MDN1: variants seen among roughly 807,000 people sequenced by gnomAD.
The protein encoded by MDN1 is midasin AAA ATPase 1, also known as midasin.
Under a neutral mutation model 669.2 loss-of-function variants are expected in MDN1, and 266 were observed. The observed-to-expected ratio is 0.40, with a 90% CI of 0.36 to 0.44. The LOEUF is 0.44. Among genes scored for constraint, MDN1 ranks in the 20% least tolerant of loss-of-function variants. MDN1 has a pLI of 1.00. For missense variants in MDN1, 5,940 were observed against 6,754.0 expected, an observed-to-expected ratio of 0.88 and a Z score of 4.22; for synonymous variants, 2,385 against 2,457.1, an observed-to-expected ratio of 0.97 and a Z score of 0.87.
chr6:89,715,944 G>A (rs1403012256), intron 44 of MDN1, among the ~76,000 whole-genome samples, 175 bp from the exon 45 acceptor site: 2 of 151,950 alleles, frequency 1.3e-5, no homozygotes, highest in Non-Finnish European at 2.9e-5. Context: ...TTTCCTTCTC[G>A]CTTCCCTAGG....
At position 89,772,762 on chromosome 6, in the gene MDN1, G is replaced by A. The variant is rs114999197; in HGVS notation, c.1935-41C>T. ...AAAGAGTTTAAAAACCACGCTGCAA[G>A]CTTCTCCTAGTTTTGCTCTGGGAAA... On this transcript the variant is annotated intron_variant, in intron 13 of 101. Coordinates refer to ENST00000369393, the MANE Select transcript of MDN1 (RefSeq NM_014611.3). 2.1e-4 allele frequency: 341 copies of A among 1,600,110 alleles called. 1 individual carries two copies. In the African/African-American group the frequency reaches 4.2e-3, roughly 20 times the overall value.
rs140382280 is a variant in MDN1 at position 89,684,311 on chromosome 6, C to T, written c.11830-407G>A. On this transcript the variant is annotated intron_variant, in intron 71 of 101. Transcript: ENST00000369393. ...TGAGCTGAGATCGTGCCACTGCACT[C>T]CAGCCTAGGCAACAGAGTTGAGACT... is the stretch of plus-strand genomic sequence containing the variant. 5.4e-3 allele frequency among the ~76,000 whole-genome samples: 826 copies of T among 151,600 alleles called. 10 individuals carry two copies. Among genetic ancestry groups the T allele is most frequent in the African/African-American group, 0.019 (785 of 41,276 alleles).
intron 72 of MDN1, among the ~76,000 whole-genome samples, chr6:89,683,606 T>C (rs915756261): frequency 1.5e-4 from 23 of 152,132 alleles, no homozygotes; most frequent in Admixed American, 3.9e-4. Flanking sequence ...ACTTGAGACA[T>C]AGCCTGCTTT....
In MDN1 at chr6:89,692,573, C is replaced by T. The variant is rs1456363704; in HGVS notation, c.10457G>A (p.Gly3486Asp). The change falls in exon 63 of 102, where the codon GGC becomes GAC. Residue 3486 changes from glycine to aspartate, a missense_variant. Coordinates refer to ENST00000369393, the MANE Select transcript of MDN1 (RefSeq NM_014611.3). Reference protein sequence around the residue: ...LKRSGGKELEGKGQKACPTRE... With the variant: ...LKRSGGKELEDKGQKACPTRE... ...AGTGGGACAGGCTTTCTGGCCCTTG[C>T]CTTCCAGCTCCTTTCCTCCTGAGCG... The T allele has an allele frequency of 1.2e-6, 2 of 1,614,118 alleles. No homozygotes were observed. Among genetic ancestry groups the T allele is most frequent in the African/African-American group, 1.3e-5 (1 of 74,940 alleles).
Position 89,664,608 on chromosome 6 carries a change from C to T in MDN1, c.14115G>A (p.Lys4705=). 2 of 1,611,172 alleles carry T rather than the reference C, an allele frequency of 1.2e-6. No homozygotes were observed. Among genetic ancestry groups the T allele is most frequent in the Non-Finnish European group, 1.7e-6 (2 of 1,177,800 alleles). Residue 4705 remains lysine, a synonymous_variant, in exon 85 of 102, where the codon AAG becomes AAA. Transcript: ENST00000369393. The part of the protein sequence containing the change: ...NEEQVEDTFQ[K]GQEKDKEDPD... ...GATCCTCTTTGTCTTTTTCTTGACC[C>T]TTCTGAAATGTATCTTCCACCTACA...
chr6:89,704,240 G>T (rs572449735), intron 53 of MDN1, among the ~76,000 whole-genome samples: 4 of 152,070 alleles, frequency 2.6e-5, no homozygotes, highest in Non-Finnish European at 5.9e-5. Flanking sequence ...AATTACCTGG[G>T]TGTGGTGGCA....
At chr6:89,685,111 G>C (rs982236883) in intron 70 of MDN1, 126 bp from the exon 71 acceptor site, 1 of 586,796 alleles carries the variant, frequency 1.7e-6, no homozygotes, top group Non-Finnish European at 3.0e-6. Flanking sequence ...ATTACAGTGA[G>C]TTTCACAGGT....
At chr6:89,795,904 G>A (rs1285593952) in intron 2 of MDN1, among the ~76,000 whole-genome samples, 5 of 151,942 alleles carry the variant, frequency 3.3e-5, no homozygotes, top group Non-Finnish European at 5.9e-5. Flanking sequence ...GCAGTGAGCC[G>A]AGATCGCACC....
chr6:89,663,346 AT>A (rs562316189), intron 85 of MDN1, among the ~76,000 whole-genome samples: 1 of 151,902 alleles, frequency 6.6e-6, no homozygotes, highest in Non-Finnish European at 1.5e-5. Context: ...TACTGCTATG[AT>A]TTTTTCCAAC....
rs754640277 is a variant in MDN1, at chr6:89,725,258, A to T, written c.5611T>A (p.Phe1871Ile). The change falls in exon 38 of 102, where the codon TTT becomes ATT. Residue 1871 changes from phenylalanine to isoleucine, a missense_variant. Around this residue, in one of 5 missense-constraint regions of MDN1, gnomAD observed 2,292 missense variants for 2,638.3 expected, o/e 0.87. Transcript: ENST00000369393. The part of the protein sequence containing the change: ...KTKIFGCQNP[F>I]RQGGGRKGLP... ...CCTTTCCTCCCACCTCCTTGTCTAAAGGGATTCTGACACCCAAAAATCTTC... is the reference window on the plus strand; with the variant it reads ...CCTTTCCTCCCACCTCCTTGTCTAATGGGATTCTGACACCCAAAAATCTTC... 1.9e-6 allele frequency: 3 copies of T among 1,613,950 alleles called. No individual in the cohort carries two copies. In the African/African-American group the frequency reaches 4.0e-5, roughly 22 times the overall value.
chr6:89,680,456 C>T, intron 74 of MDN1, 133 bp downstream of exon 74: 1 of 1,071,664 alleles, frequency 9.3e-7, no homozygotes, highest in Non-Finnish European at 1.3e-6. Context: ...TTTTTAAGCC[C>T]ACTTGCTTAT....
intron 85 of MDN1, 152 bp from the exon 86 acceptor site, chr6:89,663,119 G>C: frequency 1.3e-6 from 1 of 771,752 alleles, no homozygotes; most frequent in Admixed American, 2.7e-5. Context: ...GATGCCTTTA[G>C]ATCTACTGAC....
intron 1 of MDN1, among the ~76,000 whole-genome samples, chr6:89,806,703 T>TAG (rs1412223093): frequency 6.6e-6 from 1 of 151,318 alleles, no homozygotes; most frequent in Non-Finnish European, 1.5e-5. Flanking sequence ...GGGCAACAGA[T>TAG]AGAGTGAGAC....
intron 8 of MDN1, among the ~76,000 whole-genome samples, chr6:89,785,907 G>A (rs1421474012): frequency 2.0e-5 from 3 of 152,274 alleles, no homozygotes; most frequent in East Asian, 3.9e-4. Context: ...GCCAAAGCAG[G>A]AAGATCGCTT....
intron 44 of MDN1, 120 bp downstream of exon 44, chr6:89,716,530 C>T (rs959572246): frequency 3.0e-5 from 33 of 1,094,568 alleles, no homozygotes; most frequent in Middle Eastern, 2.9e-4. Context: ...TGGCTGAGGA[C>T]GCTTGCGTAA....
At chr6:89,650,229 TAAC>T in intron 96 of MDN1, 31 bp from the exon 97 acceptor site, 1 of 1,589,616 alleles carries the variant, frequency 6.3e-7, no homozygotes, top group Non-Finnish European at 8.6e-7. Context: ...AAAAATTAGT[TAAC>T]AACTTTTAAT....
At chr6:89,661,400 T>C (rs1258052601) in intron 88 of MDN1, 31 bp downstream of exon 88, 16 of 1,604,436 alleles carry the variant, frequency 1.0e-5, no homozygotes, top group Non-Finnish European at 1.4e-5. Context: ...ATGTGAGTTC[T>C]AACCGGTCTC....
At position 89,658,742 on chromosome 6, in the gene MDN1, G is replaced by T; in HGVS notation, c.14889C>A (p.Asp4963Glu). 1 of 1,614,084 alleles carries T rather than the reference G, an allele frequency of 6.2e-7. No homozygotes were observed. Among genetic ancestry groups the T allele is most frequent in the South Asian group, 1.1e-5 (1 of 91,070 alleles). The change falls in exon 89 of 102, where the codon GAC (aspartate) becomes GAA (glutamate). Residue 4963 changes from aspartate (D) to glutamate (E), a missense_variant. Asp to Glu is a conservative substitution (Grantham distance 45). Around this residue, in one of 5 missense-constraint regions of MDN1, gnomAD observed 2,280 missense variants for 2,576.3 expected, o/e 0.88. Coordinates refer to ENST00000369393, the MANE Select transcript of MDN1 (RefSeq NM_014611.3). ...GATGCTGAGCAGCATCTCCATCTTG[G>T]TCATCAGCTCCTGTGTCCATTTCCT... ...GEEEMDTGAD[D>E]QDGDAAQHPE...
intron 20 of MDN1, among the ~76,000 whole-genome samples, chr6:89,754,980 T>C (rs546450976): frequency 6.6e-6 from 1 of 152,202 alleles, no homozygotes. Context: ...AAAGAACCTA[T>C]GTTTTGGAAC....
Sources: gnomAD v4.1 joint callset for allele counts (sites outside exome capture counted in the v4.1 genomes callset) on GRCh38, gnomAD v4.1.1 for gene constraint, gnomAD v4.1.1 regional missense constraint, MANE v1.5 for transcripts, NCBI Gene and HGNC (gene_info 2026-07-23, HGNC 2026-07-21) for gene names.